The following NAV1 variants were observed in gnomAD, a reference collection of about 807,000 sequenced individuals.
The protein encoded by NAV1 is pore membrane and/or filament interacting like protein 3.
In NAV1, 18 loss-of-function variants were observed where a neutral mutation model predicts 175.2. The ratio of observed to expected loss-of-function variants is 0.10; its 90% CI spans 0.07 to 0.15. The LOEUF (loss-of-function observed/expected upper bound fraction) is 0.15. NAV1 is among the 10% of genes least tolerant of loss of function. NAV1 has a pLI of 1.00. For missense variants in NAV1, 1,731 were observed against 2,436.6 expected (o/e 0.71, Z 6.10); for synonymous variants, 897 against 978.7 (o/e 0.92, Z 1.56).
At chr1:201,799,544 C>T (rs886217465) in intron 15 of NAV1, among the ~76,000 whole-genome samples, 6 of 152,144 alleles carry the variant, frequency 3.9e-5, no homozygotes, top group Non-Finnish European at 7.3e-5. Context: ...CTTGATTCTG[C>T]AACGTATCAT....
At chr1:201,651,464 T>TG (rs1669202460) in intron 1 of NAV1, among the ~76,000 whole-genome samples, 1 of 152,078 alleles carries the variant, frequency 6.6e-6, no homozygotes, top group Admixed American at 6.6e-5. Flanking sequence ...AGCTGAGCTG[T>TG]GGTCCCTTAT....
exon 1 of NAV1, chr1:201,649,284 A>T (rs1241490422): frequency 1.2e-6 from 2 of 1,613,130 alleles, no homozygotes; most frequent in Non-Finnish European, 1.7e-6. Flanking sequence ...GCTGCTCTCC[A>T]GCAAGGCCAA....
At chr1:201,804,569 T>G in intron 17 of NAV1, 72 bp downstream of exon 21, 25 of 399,908 alleles carry the variant, frequency 6.3e-5, no homozygotes, top group Non-Finnish European at 1.1e-4. Context: ...CCAGAGCAAC[T>G]CCCTTCCCCT....
At chr1:201,565,865 G>C (rs907797608) in intron 1 of NAV1, among the ~76,000 whole-genome samples, 1 of 152,080 alleles carries the variant, frequency 6.6e-6, no homozygotes, top group Non-Finnish European at 1.5e-5. Flanking sequence ...CCCTGGAGGC[G>C]CCAGACATTC....
At chr1:201,699,616 AGAGC>A (rs1018704010) in intron 1 of NAV1, among the ~76,000 whole-genome samples, 1 of 152,262 alleles carries the variant, frequency 6.6e-6, no homozygotes, top group Non-Finnish European at 1.5e-5. Flanking sequence ...GAACCAAAAA[AGAGC>A]CCACATTGCC....
rs753702865 is a variant in NAV1 at position 201,782,384 on chromosome 1, T to A, written c.1872T>A (p.Gly624=). The stretch of plus-strand genomic sequence containing the variant: ...CAGCCACTGTCATGCAAACTGGTGG[T>A]TCAGCCACTCTCAGCAAGATCCAGA... Residue 624 remains glycine (G), a synonymous_variant, in exon 6 of 30, where the codon GGT becomes GGA. Transcript: ENST00000367296. This position sits in a 1 kb window ranked among gnomAD's most constrained non-coding sequence, Gnocchi z 5.4. 62 of 1,613,970 alleles carry A rather than the reference T, an allele frequency of 3.8e-5. No homozygotes were observed. Among genetic ancestry groups the A allele is most frequent in the Non-Finnish European group, 5.0e-5 (59 of 1,179,986 alleles).
At chr1:201,816,348 G>C (rs1318690049) in intron 28 of NAV1, among the ~76,000 whole-genome samples, 2 of 152,102 alleles carry the variant, frequency 1.3e-5, no homozygotes, top group Non-Finnish European at 2.9e-5. Flanking sequence ...TCCAGCCTGG[G>C]CAACAAGAGC....
chr1:201,810,670 G>A lies in NAV1; in HGVS notation c.4709G>A (p.Arg1570His). 1.9e-6 allele frequency: 3 copies of A among 1,614,072 alleles called. No homozygotes were observed. The highest frequency in any genetic ancestry group is 1.7e-6 in the Non-Finnish European group (2 of 1,180,012). Residue 1570 changes from arginine (R) to histidine (H), a missense_variant, in exon 24 of 30, where the codon CGC becomes CAC. By Grantham distance (29) the Arg-to-His change is conservative. Transcript: ENST00000367296. This position sits in a 1 kb window ranked among gnomAD's most constrained non-coding sequence, Gnocchi z 6.0. Reference sequence around the variant, plus strand: ...ACGGGCAAGACCTACCTGACCAATCGCTTGGCCGAGTACCTGGTGGAGCGC... The same window carrying A: ...ACGGGCAAGACCTACCTGACCAATCACTTGGCCGAGTACCTGGTGGAGCGC...
intron 1 of NAV1, among the ~76,000 whole-genome samples, chr1:201,544,269 T>A (rs1665603943): frequency 6.6e-6 from 1 of 152,230 alleles, no homozygotes; most frequent in Non-Finnish European, 1.5e-5. Flanking sequence ...AACTACTCAA[T>A]GGTTGAGCTG....
rs1219072058 is a variant in NAV1, at chr1:201,722,636, C to T, written c.1226+3881C>T. Among the ~76,000 whole-genome samples the T allele has an allele frequency of 2.7e-5, 4 of 149,270 alleles. No individual in the cohort carries two copies. The East Asian group carries it at 7.9e-4, about 29-fold the overall frequency. ...ATACCTGGAAATGGAATTGCTGTAT[C>T]ATATGGTAATTCTATGTGTTTTTTG... On this transcript the variant is annotated intron_variant, in intron 3 of 29. Coordinates refer to ENST00000367296, the Ensembl canonical transcript of NAV1.
chr1:201,710,953 C>T (rs922053716), intron 1 of NAV1, among the ~76,000 whole-genome samples: 1 of 152,318 alleles, frequency 6.6e-6, no homozygotes, highest in Admixed American at 6.5e-5. Context: ...AAGCATCACC[C>T]TGGGCCAGAA....
At chr1:201,609,446 G>T (rs1274789565) in intron 2 of NAV1, among the ~76,000 whole-genome samples, 2 of 152,320 alleles carry the variant, frequency 1.3e-5, no homozygotes, top group South Asian at 4.1e-4. Context: ...TAATCCCCAC[G>T]ATCTCTCCTG....
upstream of NAV1, among the ~76,000 whole-genome samples, chr1:201,643,417 C>T (rs1217692483): frequency 1.4e-5 from 2 of 138,024 alleles, no homozygotes; most frequent in Non-Finnish European, 3.0e-5. Flanking sequence ...CTTCCCTTCC[C>T]TCCTTCCTTC....
chr1:201,721,350 T>A (rs637929), intron 3 of NAV1, among the ~76,000 whole-genome samples: 47,021 of 152,190 alleles, frequency 0.31, 8,001 homozygotes, highest in Non-Finnish European at 0.38. Flanking sequence ...ATCTGAGAAG[T>A]CAGAGTTGAA....
chr1:201,651,334 T>C (rs555113999), intron 1 of NAV1, among the ~76,000 whole-genome samples: 38 of 152,106 alleles, frequency 2.5e-4, no homozygotes, highest in African/African-American at 8.4e-4. Flanking sequence ...TGACTGCCCA[T>C]TGAAGCCCTC....
chr1:201,598,768 T>G (rs2102227624), intron 2 of NAV1, among the ~76,000 whole-genome samples: 1 of 152,306 alleles, frequency 6.6e-6, no homozygotes, highest in East Asian at 1.9e-4. Flanking sequence ...CGTGTTGCCA[T>G]TTTAAAAAGG....
At chr1:201,631,600 T>C (rs1198417186) in intron 2 of NAV1, among the ~76,000 whole-genome samples, 1 of 152,242 alleles carries the variant, frequency 6.6e-6, no homozygotes, top group East Asian at 1.9e-4. Flanking sequence ...CCAGAAGCTG[T>C]GCCCAGTGAC....
intron 2 of NAV1, among the ~76,000 whole-genome samples, chr1:201,594,397 TG>T (rs1427752810): frequency 6.6e-6 from 1 of 152,090 alleles, no homozygotes; most frequent in African/African-American, 2.4e-5. Flanking sequence ...CCAGGCTGCA[TG>T]GGGTCTGCAG....
In NAV1 at chr1:201,808,442, C is replaced by T. The variant is rs1044281926; in HGVS notation, c.3870C>T (p.His1290=). 2 of 1,613,910 alleles carry T rather than the reference C, an allele frequency of 1.2e-6. No homozygotes were observed. Reference sequence around the variant, plus strand: ...GGGGCCCTGCTCACCCAGCCCCCCACACTAGGCTGTTCCATGCAAATGAGG... The same window carrying T: ...GGGGCCCTGCTCACCCAGCCCCCCATACTAGGCTGTTCCATGCAAATGAGG... The change falls in exon 19 of 30, where the codon CAC becomes CAT. Residue 1290 remains histidine, a synonymous_variant. Coordinates refer to ENST00000367296, the Ensembl canonical transcript of NAV1. This position sits in a 1 kb window ranked among gnomAD's most constrained non-coding sequence, Gnocchi z 5.5.
Sources: allele counts gnomAD v4.1 joint callset (sites outside exome capture counted in the v4.1 genomes callset), GRCh38; gene constraint gnomAD v4.1.1; non-coding constraint Gnocchi (gnomAD v3.1); transcripts MANE v1.5; gene names NCBI Gene and HGNC (gene_info 2026-07-23, HGNC 2026-07-21).